Variants in SBK1 observed in about 807,000 individuals in gnomAD.
SBK1 encodes the protein serine/threonine-protein kinase SBK1.
Under a neutral mutation model 24.4 loss-of-function variants are expected in SBK1, and 11 were observed. The observed-to-expected ratio is 0.45, with a 90% CI of 0.28 to 0.75. The LOEUF (loss-of-function observed/expected upper bound fraction) is 0.75, where lower values mean the gene tolerates loss of function less well. SBK1 is among the 30% of genes least tolerant of loss of function. The probability of loss-of-function intolerance (pLI) is 0.12; values close to 1 mark genes in which losing one functional copy is unlikely to be tolerated. For synonymous variants in SBK1, 308 were observed against 284.4 expected (o/e 1.08, Z -0.83); for missense variants, 467 against 620.5 (o/e 0.75, Z 2.63).
intron 1 of SBK1, among the ~76,000 whole-genome samples, chr16:28,296,882 T>C (rs1183132850): frequency 6.6e-6 from 1 of 152,224 alleles, no homozygotes; most frequent in Non-Finnish European, 1.5e-5. Flanking sequence ...GCAGGGCTAC[T>C]GTCCAGGGTT....
chr16:28,281,754 T>C (rs2044534384), intron 1 of SBK1, among the ~76,000 whole-genome samples: 1 of 152,156 alleles, frequency 6.6e-6, no homozygotes, highest in Admixed American at 6.5e-5. Context: ...GAACTCAGCC[T>C]GGCACAAATC....
At chr16:28,281,211 A>G (rs1773271234) in intron 1 of SBK1, among the ~76,000 whole-genome samples, 1 of 152,150 alleles carries the variant, frequency 6.6e-6, no homozygotes, top group Non-Finnish European at 1.5e-5. Flanking sequence ...AGCTGAGCTC[A>G]TTAACTCCCA....
Position 28,292,700 on chromosome 16 carries a change from C to T in SBK1, c.-608C>T. On this transcript the variant is annotated 5_prime_UTR_variant, in exon 1 of 4. Transcript: ENST00000341901. Reference sequence around the variant, plus strand: ...CCCAGCGGCTGAGGGGCTTCCAGCGCCCGCCGGTGGCCGGGACCCACTAAA... The same window carrying T: ...CCCAGCGGCTGAGGGGCTTCCAGCGTCCGCCGGTGGCCGGGACCCACTAAA... 1 of 984,494 alleles carries T rather than the reference C, an allele frequency of 1.0e-6. No individual in the cohort carries two copies. Among genetic ancestry groups the T allele is most frequent in the Non-Finnish European group, 1.2e-6 (1 of 829,334 alleles). The allele number at this position is 984,494 out of a possible 1,614,324, so 61.0% of individuals were successfully genotyped here. A position where few individuals can be genotyped will look rare whatever the true frequency, so the allele number is the denominator to read the frequency against.
intron 1 of SBK1, among the ~76,000 whole-genome samples, chr16:28,302,900 G>A (rs917394012): frequency 7.3e-5 from 11 of 150,506 alleles, no homozygotes; most frequent in African/African-American, 2.7e-4. Flanking sequence ...GTCAGAAGTT[G>A]GTACATTATA....
intron 1 of SBK1, among the ~76,000 whole-genome samples, chr16:28,295,159 G>A (rs1031833906): frequency 8.5e-5 from 13 of 152,252 alleles, no homozygotes; most frequent in African/African-American, 2.9e-4. Flanking sequence ...CTGTGTCCAG[G>A]GCAAACTGTG....
At chr16:28,318,713 T>G (rs1044840514) in intron 2 of SBK1, among the ~76,000 whole-genome samples, 1 of 152,170 alleles carries the variant, frequency 6.6e-6, no homozygotes, top group African/African-American at 2.4e-5. Context: ...AATAAGCATA[T>G]GGCGGGCAGG....
In SBK1 at chr16:28,280,115, CTATATATATATATATATA is replaced by C. The variant is rs1193408430; in HGVS notation, c.257+20631_257+20648del. On this transcript the variant is annotated intron_variant, in intron 1 of 3. Transcript: ENST00000671413. ...CCATGCCTCCCTAATTTGAAAAAAA[CTATATATATATATATATA>C]TATATATATATATATATGTGTGTGT... Among the ~76,000 whole-genome samples the C allele has an allele frequency of 7.8e-4, 23 of 29,466 alleles. 2 individuals are homozygous for C. In the South Asian group the frequency reaches 0.023, roughly 29 times the overall value. 19.3% of individuals were successfully genotyped at this position (29,466 alleles called of 152,430 possible). A position where few individuals can be genotyped will look rare whatever the true frequency, so the allele number is the denominator to read the frequency against.
At chr16:28,262,405 A>T (rs1373123564) in intron 1 of SBK1, among the ~76,000 whole-genome samples, 1 of 152,194 alleles carries the variant, frequency 6.6e-6, no homozygotes, top group Non-Finnish European at 1.5e-5. Context: ...AAAATTAAAG[A>T]GTTGGACTTT....
intron 1 of SBK1, among the ~76,000 whole-genome samples, chr16:28,282,853 G>A (rs2044541697): frequency 1.3e-5 from 2 of 152,150 alleles, no homozygotes; most frequent in Non-Finnish European, 2.9e-5. Flanking sequence ...GGGGTGCTGA[G>A]GAAATATAGT....
chr16:28,315,311 A>T (rs2044787265), intron 1 of SBK1, among the ~76,000 whole-genome samples: 1 of 152,212 alleles, frequency 6.6e-6, no homozygotes, highest in Admixed American at 6.5e-5. Context: ...GCAGGGATGT[A>T]TACATATGTC....
chr16:28,262,969 C>T (rs987975196), intron 1 of SBK1, among the ~76,000 whole-genome samples: 2 of 152,106 alleles, frequency 1.3e-5, no homozygotes, highest in Admixed American at 6.6e-5. Flanking sequence ...TCACCCACGG[C>T]CACTGCTGGA....
intron 1 of SBK1, among the ~76,000 whole-genome samples, chr16:28,306,580 AGGCCAGGGCAAT>A (rs1252368512): frequency 6.6e-6 from 1 of 152,194 alleles, no homozygotes; most frequent in Admixed American, 6.5e-5. Flanking sequence ...GATAACCATG[AGGCCAGGGCAAT>A]GGTCAGGGCT....
intron 1 of SBK1, among the ~76,000 whole-genome samples, chr16:28,309,695 A>G (rs1638623415): frequency 6.6e-6 from 1 of 152,206 alleles, no homozygotes; most frequent in South Asian, 2.1e-4. Flanking sequence ...CTGGGGGTTC[A>G]AGACCAGCCT....
Position 28,317,657 on chromosome 16 carries a change from G to C in SBK1, c.226+40G>C. 1.4e-6 allele frequency: 2 copies of C among 1,410,594 alleles called. No homozygotes were observed. The highest frequency in any genetic ancestry group is 1.2e-5 in the South Asian group (1 of 86,792). 87.4% of individuals were successfully genotyped at this position (1,410,594 alleles called of 1,614,324 possible). A position where few individuals can be genotyped will look rare whatever the true frequency, so the allele number is the denominator to read the frequency against. On this transcript the variant is annotated intron_variant, in intron 2 of 3. Coordinates refer to ENST00000341901, the MANE Select transcript of SBK1 (RefSeq NM_001024401.3). The surrounding 1 kb of genome is among the most constrained non-coding windows in gnomAD (Gnocchi z 4.2). ...GGTGGCAGGGCTGAGAGGTTGGGGT[G>C]GGGCAGGGCTGGGAGGTCAGGGTTG...
chr16:28,301,421 G>T (rs919330413), intron 1 of SBK1, among the ~76,000 whole-genome samples: 2 of 152,234 alleles, frequency 1.3e-5, no homozygotes, highest in Non-Finnish European at 2.9e-5. Context: ...GCTGGGAGGG[G>T]AGGCTGAGGC....
chr16:28,321,272 C>G lies in SBK1; in HGVS notation c.*351C>G, dbSNP rs929491095. On this transcript the variant is annotated 3_prime_UTR_variant, in exon 4 of 4. Coordinates refer to ENST00000341901, the MANE Select transcript of SBK1 (RefSeq NM_001024401.3). ...CAAGGGAGCTTTCGGGCCACACTCCCAGACGCCTCCCTGAGCCCTGGAACC... is the reference window on the plus strand; with the variant it reads ...CAAGGGAGCTTTCGGGCCACACTCCGAGACGCCTCCCTGAGCCCTGGAACC... 42 of 171,736 alleles carry G rather than the reference C, an allele frequency of 2.4e-4. No homozygotes were observed. Among genetic ancestry groups the G allele is most frequent in the Non-Finnish European group, 4.6e-4 (37 of 81,292 alleles). The allele number at this position is 171,736 out of a possible 1,614,324, so 10.6% of individuals were successfully genotyped here.
At chr16:28,295,122 G>A (rs1457379432) in intron 1 of SBK1, among the ~76,000 whole-genome samples, 1 of 152,212 alleles carries the variant, frequency 6.6e-6, no homozygotes, top group Non-Finnish European at 1.5e-5. Context: ...AGTGGAACCA[G>A]AGGCTGAAGA....
chr16:28,307,825 C>T (rs144733509), intron 1 of SBK1, among the ~76,000 whole-genome samples: 3 of 151,634 alleles, frequency 2.0e-5, no homozygotes, highest in Non-Finnish European at 4.4e-5. Context: ...ACATTAAAAC[C>T]GTAGCAATAT....
chr16:28,312,799 A>G (rs561645509), intron 1 of SBK1, among the ~76,000 whole-genome samples: 1 of 152,330 alleles, frequency 6.6e-6, no homozygotes, highest in East Asian at 1.9e-4. Flanking sequence ...CAGGAGTTCA[A>G]GACCAGCCTG....
Sources: gnomAD v4.1 joint callset for allele counts (sites outside exome capture counted in the v4.1 genomes callset) on GRCh38, gnomAD v4.1.1 for gene constraint, Gnocchi (gnomAD v3.1) non-coding constraint, MANE v1.5 for transcripts, NCBI Gene and HGNC (gene_info 2026-07-23, HGNC 2026-07-21) for gene names.